The following BLNK variants were observed in gnomAD, a reference collection of about 807,000 sequenced individuals.
BLNK encodes B-cell linker protein.
BLNK carries 29 observed loss-of-function variants against 73.5 expected under a neutral mutation model. The observed-to-expected ratio is 0.39, with a 90% CI of 0.29 to 0.54. The LOEUF (loss-of-function observed/expected upper bound fraction) is 0.54, where lower values mean the gene tolerates loss of function less well. Among genes scored for constraint, BLNK ranks in the 20% least tolerant of loss-of-function variants. The pLI, the probability that BLNK is intolerant of heterozygous loss-of-function variation, is 0.61. For synonymous variants in BLNK, 176 were observed against 200.8 expected (o/e 0.88, Z 1.04); for missense variants, 460 against 562.8 (o/e 0.82, Z 1.85).
intron 8 of BLNK, among the ~76,000 whole-genome samples, chr10:96,214,125 T>C (rs2084007836): frequency 6.6e-6 from 1 of 151,334 alleles, no homozygotes; most frequent in Non-Finnish European, 1.5e-5. Flanking sequence ...GAGAAGAGAG[T>C]GTGTGTGTAT....
At chr10:96,255,559 G>A (rs984907693) in intron 1 of BLNK, among the ~76,000 whole-genome samples, 4 of 151,786 alleles carry the variant, frequency 2.6e-5, no homozygotes, top group Admixed American at 6.6e-5. Flanking sequence ...GAAAATCCCT[G>A]TTTAATCTGC....
At chr10:96,250,897 G>A (rs1407886627) in intron 1 of BLNK, among the ~76,000 whole-genome samples, 2 of 152,114 alleles carry the variant, frequency 1.3e-5, no homozygotes, top group African/African-American at 4.8e-5. Context: ...TTTTAAAGTT[G>A]ATGCATAATA....
Position 96,238,459 on chromosome 10 carries a change from A to T in BLNK, c.163+4276T>A, listed in dbSNP as rs111665479. On this transcript the variant is annotated intron_variant, in intron 3 of 16. Coordinates refer to ENST00000224337, the MANE Select transcript of BLNK (RefSeq NM_013314.4). ...TGGTGGATCAAGTGCTCCACAGGGCACGTGATTGGCCTCCCAGGCTCAGGA... is the reference window on the plus strand; with the variant it reads ...TGGTGGATCAAGTGCTCCACAGGGCTCGTGATTGGCCTCCCAGGCTCAGGA... Among the ~76,000 whole-genome samples, 253 of 152,278 alleles carry T rather than the reference A, an allele frequency of 1.7e-3. 1 individual carries two copies. Among genetic ancestry groups the T allele is most frequent in the African/African-American group, 5.8e-3 (243 of 41,558 alleles).
At chr10:96,246,328 G>A (rs71482400) in intron 2 of BLNK, among the ~76,000 whole-genome samples, 30,235 of 152,074 alleles carry the variant, frequency 0.2, 3,940 homozygotes, top group Non-Finnish European at 0.3. Flanking sequence ...TGAGGCGGGC[G>A]GATCACCTGA....
chr10:96,233,998 T>C (rs369203588), intron 3 of BLNK, among the ~76,000 whole-genome samples: 4 of 152,216 alleles, frequency 2.6e-5, no homozygotes, highest in African/African-American at 9.7e-5. Context: ...AACAGCACTA[T>C]GTGGTAGGTG....
chr10:96,238,872 G>A (rs782439782), intron 3 of BLNK: 1 of 351,496 alleles, frequency 2.8e-6, no homozygotes, highest in Non-Finnish European at 5.1e-6. Context: ...TTCAGGAAAG[G>A]CAATAGGGAC....
At chr10:96,240,606 T>G (rs912084794) in intron 3 of BLNK, among the ~76,000 whole-genome samples, 3 of 152,078 alleles carry the variant, frequency 2.0e-5, no homozygotes. Context: ...GCCATCAGGA[T>G]AGACATAGGA....
chr10:96,192,286 C>T lies in BLNK; in HGVS notation c.1252-194G>A, dbSNP rs11188657. 0.03 allele frequency among the ~76,000 whole-genome samples: 4,636 copies of T among 152,056 alleles called. 759 individuals are homozygous for T. The East Asian group carries it at 0.49, about 16-fold the overall frequency. Reference sequence around the variant, plus strand: ...ACCTTGGACTTTGCTGTATTAAGTACGAAGAAAAACACACTGACAGCCTCA... The same window carrying T: ...ACCTTGGACTTTGCTGTATTAAGTATGAAGAAAAACACACTGACAGCCTCA... On this transcript the variant is annotated intron_variant, in intron 16 of 16. Transcript: ENST00000224337.
At position 96,223,996 on chromosome 10, in the gene BLNK, A is replaced by G; in HGVS notation, c.362-7T>C. The G allele has an allele frequency of 6.2e-7, 1 of 1,612,638 alleles. No individual in the cohort carries two copies. On this transcript the variant is annotated splice_region_variant and splice_polypyrimidine_tract_variant and intron_variant, in intron 5 of 16. Coordinates refer to ENST00000224337, the MANE Select transcript of BLNK (RefSeq NM_013314.4). ...CTCTGGCTTGATCGATTGTCTTGAAAGGAACAAACAAAAAACATAACATAA... is the reference window on the plus strand; with the variant it reads ...CTCTGGCTTGATCGATTGTCTTGAAGGGAACAAACAAAAAACATAACATAA...
chr10:96,209,923 C>T lies in BLNK; in HGVS notation c.677-16G>A, dbSNP rs782041123. 23 of 1,614,048 alleles carry T rather than the reference C, an allele frequency of 1.4e-5. No individual in the cohort carries two copies. Among genetic ancestry groups the T allele is most frequent in the Non-Finnish European group, 1.9e-5 (22 of 1,179,986 alleles). On this transcript the variant is annotated splice_polypyrimidine_tract_variant and intron_variant, in intron 8 of 16. Coordinates refer to ENST00000224337, the MANE Select transcript of BLNK (RefSeq NM_013314.4). ...CTGTTTCGACCTGCACAAACATATA[C>T]ACTACTCAGTCCCCAAGTCCTGAGC... is the stretch of plus-strand genomic sequence containing the variant.
intron 1 of BLNK, among the ~76,000 whole-genome samples, chr10:96,253,561 C>T (rs570724483): frequency 2.6e-4 from 40 of 152,284 alleles, no homozygotes; most frequent in African/African-American, 4.6e-4. Flanking sequence ...AGAGTAAGGT[C>T]TAAAGATTGC....
At chr10:96,240,580 AG>A (rs2134073898) in intron 3 of BLNK, among the ~76,000 whole-genome samples, 4 of 152,246 alleles carry the variant, frequency 2.6e-5, no homozygotes, top group Non-Finnish European at 5.9e-5. Context: ...TCATATTTAA[AG>A]GCTTGAACTG....
chr10:96,192,231 T>C (rs1296354158), intron 16 of BLNK, 139 bp from the exon 17 acceptor site: 1 of 1,209,872 alleles, frequency 8.3e-7, no homozygotes, highest in African/African-American at 1.5e-5. Flanking sequence ...AAATCTAGTT[T>C]AACAAAGGCT....
chr10:96,250,495 A>G (rs1386506119), intron 1 of BLNK, among the ~76,000 whole-genome samples: 1 of 151,804 alleles, frequency 6.6e-6, no homozygotes, highest in Non-Finnish European at 1.5e-5. Context: ...AGGAAATTCA[A>G]TAATTTCATA....
At chr10:96,207,101 G>A in intron 10 of BLNK, 48 bp from the exon 11 acceptor site, 1 of 1,503,908 alleles carries the variant, frequency 6.6e-7, no homozygotes, top group Non-Finnish European at 9.3e-7. Flanking sequence ...GCAGAATGTG[G>A]AAATAAATGT....
intron 8 of BLNK, among the ~76,000 whole-genome samples, chr10:96,210,909 C>T (rs1554898602): frequency 7.0e-6 from 1 of 143,154 alleles, no homozygotes; most frequent in Non-Finnish European, 1.5e-5. Flanking sequence ...TGTTCTGTCA[C>T]CCAGGCTGGA....
intron 1 of BLNK, 73 bp from the exon 2 acceptor site, chr10:96,247,122 T>A: frequency 9.4e-7 from 1 of 1,058,798 alleles, no homozygotes; most frequent in Non-Finnish European, 1.4e-6. Flanking sequence ...CCTACTCTTC[T>A]CGAATACAAA....
chr10:96,201,738 GCATTCATT>G (rs59428057), intron 13 of BLNK, among the ~76,000 whole-genome samples: 17 of 138,706 alleles, frequency 1.2e-4, no homozygotes, highest in Admixed American at 2.8e-4. Context: ...AGACTTATCT[GCATTCATT>G]CATTCATTCA....
chr10:96,247,052 G>A lies in BLNK; in HGVS notation c.48-3C>T. The A allele has an allele frequency of 6.3e-7, 1 of 1,593,814 alleles. No homozygotes were observed. Among genetic ancestry groups the A allele is most frequent in the Non-Finnish European group, 8.6e-7 (1 of 1,169,194 alleles). On this transcript the variant is annotated splice_polypyrimidine_tract_variant and splice_region_variant and intron_variant, in intron 1 of 16. Transcript: ENST00000224337. The stretch of plus-strand genomic sequence containing the variant: ...CATGGACCATCTTTTGAAGCTGCCT[G>A]TAAAAAACAAAATTAAACATAAGAT...
Sources: gnomAD v4.1 joint callset for allele counts (sites outside exome capture counted in the v4.1 genomes callset) on GRCh38, gnomAD v4.1.1 for gene constraint, MANE v1.5 for transcripts, NCBI Gene and HGNC (gene_info 2026-07-23, HGNC 2026-07-21) for gene names.